Variants in EIF2B1 observed in about 807,000 individuals in gnomAD.
The protein encoded by EIF2B1 is eukaryotic translation initiation factor 2B subunit alpha, also known as translation initiation factor eIF2B subunit alpha.
EIF2B1 carries 30 observed loss-of-function variants against 36.8 expected under a neutral mutation model. The observed-to-expected ratio is 0.81, with a 90% CI of 0.61 to 1.10. EIF2B1 has a LOEUF of 1.10. Among genes scored for constraint, EIF2B1 ranks in the 50% least tolerant of loss-of-function variants. EIF2B1 has a pLI of 0.00. For missense variants in EIF2B1, 271 were observed against 374.8 expected (o/e 0.72, Z 2.29); for synonymous variants, 139 against 142.2 (o/e 0.98, Z 0.16).
chr12:123,633,144 G>A (rs1955214069), intron 1 of EIF2B1, among the ~76,000 whole-genome samples: 1 of 150,436 alleles, frequency 6.6e-6, no homozygotes. Context: ...ACACATATAT[G>A]TTACAAATAT....
chr12:123,631,454 C>T (rs1955185854), intron 2 of EIF2B1, among the ~76,000 whole-genome samples: 3 of 152,114 alleles, frequency 2.0e-5, no homozygotes, highest in South Asian at 4.1e-4. Context: ...GGACGGATCA[C>T]CTGAGGCTAG....
chr12:123,627,291 AGACCT>A, intron 4 of EIF2B1, 135 bp from the exon 5 acceptor site: 1 of 766,542 alleles, frequency 1.3e-6, no homozygotes, highest in African/African-American at 1.7e-5. Flanking sequence ...ACCAGAAAGG[AGACCT>A]GATGGTACAG....
intron 2 of EIF2B1, among the ~76,000 whole-genome samples, chr12:123,631,348 C>T (rs546709485): frequency 6.6e-5 from 10 of 152,136 alleles, no homozygotes; most frequent in Non-Finnish European, 1.5e-4. Flanking sequence ...AAACATGCAT[C>T]TCTCACTTTC....
In EIF2B1 at chr12:123,622,883, G is replaced by A; in HGVS notation, c.628-122C>T. The stretch of plus-strand genomic sequence containing the variant: ...CCAGCATTTTGGGAGGCCGAGGTGG[G>A]TGGATCACCTGAACCCATGAGTTTG... On this transcript the variant is annotated intron_variant, in intron 7 of 8. Transcript: ENST00000424014. The A allele has an allele frequency of 2.1e-6, 3 of 1,452,028 alleles. No individual in the cohort carries two copies. In the Admixed American group the frequency reaches 5.1e-5, roughly 25 times the overall value. The allele number at this position is 1,452,028 out of a possible 1,614,324, so 89.9% of individuals were successfully genotyped here. A position where few individuals can be genotyped will look rare whatever the true frequency, so the allele number is the denominator to read the frequency against.
At chr12:123,622,934 ACCT>A (rs958266139) in intron 7 of EIF2B1, among the ~76,000 whole-genome samples, 173 bp from the exon 8 acceptor site, 17 of 148,710 alleles carry the variant, frequency 1.1e-4, no homozygotes, top group Non-Finnish European at 2.4e-4. Context: ...ACACGGTGAG[ACCT>A]CGTCTCAATT....
chr12:123,622,567 C>G lies in EIF2B1; in HGVS notation c.753+69G>C, dbSNP rs941035844. The G allele has an allele frequency of 2.5e-6, 4 of 1,604,414 alleles. No homozygotes were observed. The South Asian group carries it at 4.4e-5, about 18-fold the overall frequency. ...GAAGTGAAAAAATTACTGGAACATTCTTAGGACTACAATTTCCAAAGGTTT... is the reference window on the plus strand; with the variant it reads ...GAAGTGAAAAAATTACTGGAACATTGTTAGGACTACAATTTCCAAAGGTTT... On this transcript the variant is annotated intron_variant, in intron 8 of 8. Transcript: ENST00000424014.
Position 123,630,521 on chromosome 12 carries a change from T to C in EIF2B1, c.128A>G (p.Gln43Arg). The C allele has an allele frequency of 6.2e-7, 1 of 1,612,840 alleles. No homozygotes were observed. The highest frequency in any genetic ancestry group is 8.5e-7 in the Non-Finnish European group (1 of 1,179,900). The change falls in exon 3 of 9, where the codon CAG (glutamine) becomes CGG (arginine). Residue 43 changes from glutamine (Q) to arginine (R), a missense_variant. Transcript: ENST00000424014. This position sits in a 1 kb window ranked among gnomAD's most constrained non-coding sequence, Gnocchi z 4.6. ...FLKRDKGETI[Q>R]GLRANLTSAI... Reference sequence around the variant, plus strand: ...ACTGGTGAGATTCGCCCTCAGACCCTGGATTGTCTCCCCTGGAATGATCCA... The same window carrying C: ...ACTGGTGAGATTCGCCCTCAGACCCCGGATTGTCTCCCCTGGAATGATCCA...
intron 4 of EIF2B1, among the ~76,000 whole-genome samples, chr12:123,627,435 G>A (rs955538148): frequency 2.6e-5 from 4 of 152,234 alleles, no homozygotes; most frequent in Non-Finnish European, 5.9e-5. Context: ...GGCTCCATGA[G>A]GTTCCCTTGG....
In EIF2B1 at chr12:123,630,100, G is replaced by A; in HGVS notation, c.369+69C>T. On this transcript the variant is annotated intron_variant, in intron 4 of 8. Transcript: ENST00000424014. The surrounding 1 kb of genome is among the most constrained non-coding windows in gnomAD (Gnocchi z 4.6). ...CACAGCAAGTGAGTGGCAGAGCCCG[G>A]ATTTTACCCCAGGCAGTCGGACTCG... The A allele has an allele frequency of 7.1e-7, 1 of 1,410,738 alleles. No homozygotes were observed. Among genetic ancestry groups the A allele is most frequent in the Non-Finnish European group, 1.0e-6 (1 of 999,244 alleles). The allele number at this position is 1,410,738 out of a possible 1,614,324, so 87.4% of individuals were successfully genotyped here. A position where few individuals can be genotyped will look rare whatever the true frequency, so the allele number is the denominator to read the frequency against.
rs1031205084 is a variant in EIF2B1, at chr12:123,620,808, G to A, written c.*948C>T. 1 of 151,284 alleles carries A rather than the reference G, an allele frequency of 6.6e-6. No homozygotes were observed. The highest frequency in any genetic ancestry group is 1.5e-5 in the Non-Finnish European group (1 of 67,880). The allele number at this position is 151,284 out of a possible 1,614,324, so 9.4% of individuals were successfully genotyped here. A position where few individuals can be genotyped will look rare whatever the true frequency, so the allele number is the denominator to read the frequency against. Reference sequence around the variant, plus strand: ...CTGCAGGGGTGGCTAATGTGCTGGGGTTTTTCTGTGTTAATAGTCACAGTA... The same window carrying A: ...CTGCAGGGGTGGCTAATGTGCTGGGATTTTTCTGTGTTAATAGTCACAGTA... On this transcript the variant is annotated 3_prime_UTR_variant, in exon 9 of 9. Coordinates refer to ENST00000424014, the MANE Select transcript of EIF2B1 (RefSeq NM_001414.4).
chr12:123,633,313 G>A (rs1284660102), intron 1 of EIF2B1, among the ~76,000 whole-genome samples: 5 of 151,190 alleles, frequency 3.3e-5, no homozygotes, highest in Non-Finnish European at 7.4e-5. Context: ...GAAGGAGACT[G>A]GCACTGGGAA....
chr12:123,628,722 C>A (rs1210427086), intron 4 of EIF2B1, among the ~76,000 whole-genome samples: 4 of 152,082 alleles, frequency 2.6e-5, no homozygotes, highest in Admixed American at 2.6e-4. Flanking sequence ...GGGGGCAGAA[C>A]CAGCTCTCTA....
At chr12:123,624,642 AAATGGGCAACAACTCAATACCAT>A in intron 7 of EIF2B1, 122 bp downstream of exon 7, 10 of 737,238 alleles carry the variant, frequency 1.4e-5, no homozygotes, top group Non-Finnish European at 2.2e-5. Flanking sequence ...GACTTACGGG[AAATGGGCAACAACTCAATACCAT>A]GATGAAGTCC....
chr12:123,626,200 T>A (rs1180527544), intron 6 of EIF2B1: 1 of 581,600 alleles, frequency 1.7e-6, no homozygotes, highest in Non-Finnish European at 3.1e-6. Context: ...GCCATAAAGC[T>A]ATAGACACAA....
At position 123,632,328 on chromosome 12, in the gene EIF2B1, G is replaced by T; in HGVS notation, c.115+17C>A. On this transcript the variant is annotated intron_variant, in intron 2 of 8. Transcript: ENST00000424014. ...TATCCTAAGTCCCAGAGTGTTAACAGATGACTCTCTATATACCTTTATCTC... is the reference window on the plus strand; with the variant it reads ...TATCCTAAGTCCCAGAGTGTTAACATATGACTCTCTATATACCTTTATCTC... 2.7e-6 allele frequency: 4 copies of T among 1,463,750 alleles called. No individual in the cohort carries two copies. Among genetic ancestry groups the T allele is most frequent in the African/African-American group, 1.4e-5 (1 of 70,490 alleles). The allele number at this position is 1,463,750 out of a possible 1,614,324, so 90.7% of individuals were successfully genotyped here.
intron 6 of EIF2B1, 52 bp downstream of exon 6, chr12:123,626,373 A>C (rs1005980380): frequency 1.1e-5 from 17 of 1,607,836 alleles, no homozygotes; most frequent in Admixed American, 3.3e-5. Context: ...ACTTGCTGTA[A>C]GCCAGCATGG....
intron 6 of EIF2B1, 42 bp from the exon 7 acceptor site, chr12:123,624,904 C>G (rs780903773): frequency 1.9e-6 from 3 of 1,543,044 alleles, no homozygotes; most frequent in Admixed American, 1.7e-5. Context: ...TTTCTTGGCT[C>G]TAACGAGTAG....
chr12:123,633,377 A>C (rs2135769781), intron 1 of EIF2B1, among the ~76,000 whole-genome samples, 168 bp downstream of exon 1: 1 of 152,024 alleles, frequency 6.6e-6, no homozygotes, highest in East Asian at 1.9e-4. Context: ...GCATCCCTGA[A>C]AACAAGAGCA....
rs1280306554 is a variant in EIF2B1, at chr12:123,620,733, TTGACCTCC to T, written c.*1015_*1022del. 7.9e-5 allele frequency: 12 copies of T among 151,174 alleles called. No individual in the cohort carries two copies. The highest frequency in any genetic ancestry group is 1.0e-4 in the Non-Finnish European group (7 of 67,842). The allele number at this position is 151,174 out of a possible 1,614,324, so 9.4% of individuals were successfully genotyped here. ...ACCATTCCTCAGTATCTTCAGGCATTTGACCTCCTGAATGTGCTTGGCCCTGGGCTTCA... is the reference window on the plus strand; with the variant it reads ...ACCATTCCTCAGTATCTTCAGGCATTTGAATGTGCTTGGCCCTGGGCTTCA... On this transcript the variant is annotated 3_prime_UTR_variant, in exon 9 of 9. Coordinates refer to ENST00000424014, the MANE Select transcript of EIF2B1 (RefSeq NM_001414.4).
Sources: allele counts gnomAD v4.1 joint callset (sites outside exome capture counted in the v4.1 genomes callset), GRCh38; gene constraint gnomAD v4.1.1; non-coding constraint Gnocchi (gnomAD v3.1); transcripts MANE v1.5; gene names NCBI Gene and HGNC (gene_info 2026-07-23, HGNC 2026-07-21).